The following NTRK3 variants were observed in gnomAD, a reference collection of about 807,000 sequenced individuals.
The protein encoded by NTRK3 is neurotrophic receptor tyrosine kinase 3, also known as NT-3 growth factor receptor.
A neutral mutation model predicts 91.7 loss-of-function variants in NTRK3; 24 were observed. That is an observed-to-expected ratio of 0.26 (90% CI 0.19 to 0.37). The LOEUF (loss-of-function observed/expected upper bound fraction) is 0.37. NTRK3 is among the 10% of genes least tolerant of loss of function. The probability of loss-of-function intolerance (pLI) is 1.00; values close to 1 mark genes in which losing one functional copy is unlikely to be tolerated. For synonymous variants in NTRK3, 483 were observed against 404.0 expected (o/e 1.20, Z -2.34); for missense variants, 880 against 1,068.9 (o/e 0.82, Z 2.46).
At chr15:87,907,745 A>G (rs1234943388) in intron 17 of NTRK3, among the ~76,000 whole-genome samples, 1 of 152,170 alleles carries the variant, frequency 6.6e-6, no homozygotes, top group Non-Finnish European at 1.5e-5. Flanking sequence ...AAATAGAAGA[A>G]AAAAGCCCCC....
intron 3 of NTRK3, among the ~76,000 whole-genome samples, chr15:88,227,484 G>C (rs564446469): frequency 6.6e-6 from 1 of 152,254 alleles, no homozygotes; most frequent in East Asian, 1.9e-4. Flanking sequence ...AATGTGGGCA[G>C]GTGAAAAGAG....
intron 14 of NTRK3, among the ~76,000 whole-genome samples, chr15:87,952,312 T>C (rs1027799175): frequency 1.3e-5 from 2 of 152,114 alleles, no homozygotes; most frequent in Non-Finnish European, 2.9e-5. Flanking sequence ...TTCCTCTTCT[T>C]CCTAACGTGC....
exon 19 of NTRK3, chr15:87,861,994 A>G (rs977375037): frequency 8.0e-5 from 17 of 213,524 alleles, no homozygotes; most frequent in Non-Finnish European, 2.8e-5. Context: ...AAGCTTTCCT[A>G]TCCCCATAGG....
chr15:87,946,670 T>G (rs756438765), intron 14 of NTRK3, among the ~76,000 whole-genome samples: 5 of 152,144 alleles, frequency 3.3e-5, no homozygotes, highest in Non-Finnish European at 7.4e-5. Context: ...ACTCAGTTCC[T>G]AACTAGTTCC....
rs192674524 is a variant in NTRK3, at chr15:88,086,708, T to C, written c.1396+39563A>G. Among the ~76,000 whole-genome samples the C allele has an allele frequency of 5.3e-4, 81 of 152,318 alleles. No homozygotes were observed. The East Asian group carries it at 0.013, about 24-fold the overall frequency. Reference sequence around the variant, plus strand: ...TCAGAATGTCTAGCGACGGGCCCCATGCTTCAGTGCAGTTTGGAGTACGCA... The same window carrying C: ...TCAGAATGTCTAGCGACGGGCCCCACGCTTCAGTGCAGTTTGGAGTACGCA... On this transcript the variant is annotated intron_variant, in intron 13 of 18. Coordinates refer to ENST00000394480, the Ensembl canonical transcript of NTRK3.
chr15:88,009,434 C>T (rs1008681852), intron 14 of NTRK3, among the ~76,000 whole-genome samples: 1 of 152,196 alleles, frequency 6.6e-6, no homozygotes, highest in African/African-American at 2.4e-5. Context: ...AAAAGGTCCA[C>T]TGCTTCTACG....
intron 14 of NTRK3, among the ~76,000 whole-genome samples, chr15:87,983,199 G>GA (rs34598261): frequency 6.6e-6 from 1 of 152,148 alleles, no homozygotes; most frequent in South Asian, 2.1e-4. Context: ...ACTGGCTGTG[G>GA]AAAAAAGCAT....
intron 13 of NTRK3, among the ~76,000 whole-genome samples, chr15:88,042,824 T>A (rs1310020264): frequency 6.6e-6 from 1 of 152,174 alleles, no homozygotes; most frequent in Non-Finnish European, 1.5e-5. Context: ...AGCTCAAGGC[T>A]TCATAATTTG....
chr15:88,010,301 T>C (rs919123392), intron 14 of NTRK3, among the ~76,000 whole-genome samples: 1 of 152,166 alleles, frequency 6.6e-6, no homozygotes, highest in Non-Finnish European at 1.5e-5. Flanking sequence ...TTCTTTTCTT[T>C]CTCTAAAACA....
At chr15:88,216,263 T>C (rs889566371) in intron 3 of NTRK3, among the ~76,000 whole-genome samples, 1 of 152,110 alleles carries the variant, frequency 6.6e-6, no homozygotes, top group Non-Finnish European at 1.5e-5. Context: ...TCAAGTTTGG[T>C]CTGCATTAGG....
At chr15:87,881,330 AC>A (rs1160700047) in intron 17 of NTRK3, among the ~76,000 whole-genome samples, 3 of 152,246 alleles carry the variant, frequency 2.0e-5, no homozygotes, top group Non-Finnish European at 4.4e-5. Context: ...TGTTAAAAAA[AC>A]TACTTAATAT....
At chr15:88,047,747 GC>G (rs1271796416) in intron 13 of NTRK3, among the ~76,000 whole-genome samples, 2 of 152,166 alleles carry the variant, frequency 1.3e-5, no homozygotes, top group African/African-American at 4.8e-5. Context: ...ATCCTGATCT[GC>G]CCTGGACAGT....
At chr15:87,913,834 G>A (rs944099047) in intron 17 of NTRK3, among the ~76,000 whole-genome samples, 8 of 152,214 alleles carry the variant, frequency 5.3e-5, no homozygotes, top group African/African-American at 1.9e-4. Context: ...AAAATCTTGA[G>A]TGGCTCTTAG....
At chr15:88,025,937 G>A (rs1405486657) in intron 14 of NTRK3, among the ~76,000 whole-genome samples, 1 of 151,928 alleles carries the variant, frequency 6.6e-6, no homozygotes, top group Non-Finnish European at 1.5e-5. Context: ...CCAGCATGGG[G>A]ACAAGAAAGA....
At chr15:88,135,483 C>T (rs536984684) in intron 9 of NTRK3, 86 bp from the exon 10 acceptor site, 19 of 1,441,382 alleles carry the variant, frequency 1.3e-5, no homozygotes, top group African/African-American at 5.6e-5. Flanking sequence ...ATGGGAATCC[C>T]GGTTCTTCCC....
exon 7 of NTRK3, chr15:88,137,438 C>T: frequency 6.2e-7 from 1 of 1,614,148 alleles, no homozygotes; most frequent in African/African-American, 1.3e-5. Context: ...AGAGAGGAAG[C>T]TGGGAGCCAT....
At chr15:88,152,258 G>A (rs573127709) in intron 5 of NTRK3, among the ~76,000 whole-genome samples, 24 of 152,044 alleles carry the variant, frequency 1.6e-4, no homozygotes, top group Admixed American at 7.2e-4. Flanking sequence ...CTGAGATTGC[G>A]CCATTGCACT....
intron 16 of NTRK3, chr15:87,931,147 C>G (rs1334643811): frequency 1.0e-5 from 5 of 493,166 alleles, no homozygotes; most frequent in Admixed American, 4.3e-5. Context: ...TATCTTCTTT[C>G]TCTTCCCTTT....
intron 13 of NTRK3, among the ~76,000 whole-genome samples, chr15:88,081,140 G>T (rs2048005485): frequency 6.6e-6 from 1 of 152,178 alleles, no homozygotes; most frequent in African/African-American, 2.4e-5. Context: ...CCCAAAGCTT[G>T]TTGAAATCTC....
Sources: allele counts gnomAD v4.1 joint callset (sites outside exome capture counted in the v4.1 genomes callset), GRCh38; gene constraint gnomAD v4.1.1; transcripts MANE v1.5; gene names NCBI Gene and HGNC (gene_info 2026-07-23, HGNC 2026-07-21).